The following TMEM117 variants were observed in gnomAD, a reference collection of about 807,000 sequenced individuals.
The protein encoded by TMEM117 is transmembrane protein 117.
In TMEM117, 27 loss-of-function variants were observed where a neutral mutation model predicts 52.4. That is an observed-to-expected ratio of 0.51 (90% CI 0.38 to 0.71). The LOEUF (loss-of-function observed/expected upper bound fraction) is 0.71. Among genes scored for constraint, TMEM117 ranks in the 30% least tolerant of loss-of-function variants. The pLI, the probability that TMEM117 is intolerant of heterozygous loss-of-function variation, is 0.00. For synonymous variants in TMEM117, 215 were observed against 206.3 expected (o/e 1.04, Z -0.36); for missense variants, 556 against 630.5 (o/e 0.88, Z 1.26).
At position 44,388,203 on chromosome 12, in the gene TMEM117, G is replaced by T. The variant is rs1279848660; in HGVS notation, c.1076G>T (p.Trp359Leu). The T allele has an allele frequency of 1.2e-6, 2 of 1,613,374 alleles. No individual in the cohort carries two copies. Among genetic ancestry groups the T allele is most frequent in the Non-Finnish European group, 1.7e-6 (2 of 1,179,580 alleles). Reference sequence around the variant, plus strand: ...GATTTGAACAGAACCAAGCTATCCTGGGAATGGAGGTCCAATCACACTAAC... The same window carrying T: ...GATTTGAACAGAACCAAGCTATCCTTGGAATGGAGGTCCAATCACACTAAC... ...LKDLNRTKLSWEWRSNHTNPR... is the reference protein window; with the variant it reads ...LKDLNRTKLSLEWRSNHTNPR... The change falls in exon 8 of 8, where the codon TGG becomes TTG. Residue 359 changes from tryptophan to leucine, a missense_variant. This residue lies in a region of TMEM117 where 206 missense variants were observed against 211.1 expected (regional missense o/e 0.98). Transcript: ENST00000266534.
At chr12:44,185,909 CACACACGT>C (rs1170216110) in intron 4 of TMEM117, among the ~76,000 whole-genome samples, 1 of 149,376 alleles carries the variant, frequency 6.7e-6, no homozygotes, top group Non-Finnish European at 1.5e-5. Flanking sequence ...CACACACACA[CACACACGT>C]GCTCCTACTT....
In TMEM117 at chr12:43,898,230, A is replaced by C. The variant is rs1029861785; in HGVS notation, c.278-45980A>C. ...TACTTCTTCACTCTTAATCCTATGA[A>C]TCTGAGTTCTTGTGACTTTATTTCC... On this transcript the variant is annotated intron_variant, in intron 2 of 7. Coordinates refer to ENST00000266534, the MANE Select transcript of TMEM117 (RefSeq NM_032256.3). Among the ~76,000 whole-genome samples the C allele has an allele frequency of 1.1e-4, 17 of 152,108 alleles. No homozygotes were observed. In the East Asian group the frequency reaches 3.3e-3, roughly 29 times the overall value.
intron 5 of TMEM117, among the ~76,000 whole-genome samples, chr12:44,264,933 T>C (rs1950359670): frequency 6.6e-6 from 1 of 152,168 alleles, no homozygotes; most frequent in African/African-American, 2.4e-5. Flanking sequence ...GATATTATAA[T>C]TTGCCCCAAA....
At chr12:44,271,953 G>A (rs908479970) in intron 5 of TMEM117, among the ~76,000 whole-genome samples, 1 of 151,976 alleles carries the variant, frequency 6.6e-6, no homozygotes, top group African/African-American at 2.4e-5. Context: ...CTCAAAAGAA[G>A]ACATACAGAA....
At chr12:44,253,244 TTA>T (rs1950216960) in intron 5 of TMEM117, among the ~76,000 whole-genome samples, 1 of 152,218 alleles carries the variant, frequency 6.6e-6, no homozygotes, top group African/African-American at 2.4e-5. Flanking sequence ...ATTTTTTAAA[TTA>T]TATGATCAAA....
intron 3 of TMEM117, among the ~76,000 whole-genome samples, chr12:43,972,041 G>A (rs1311144582): frequency 2.0e-5 from 3 of 152,300 alleles, no homozygotes; most frequent in Admixed American, 6.5e-5. Flanking sequence ...TGGCTTCAGG[G>A]TGGAGCCCTT....
intron 3 of TMEM117, among the ~76,000 whole-genome samples, chr12:43,972,363 A>G (rs375842892): frequency 1.8e-4 from 27 of 152,314 alleles, no homozygotes; most frequent in African/African-American, 6.3e-4. Flanking sequence ...TCAAGAATGA[A>G]GCCGTGGACC....
chr12:44,148,629 A>G (rs962744093), intron 4 of TMEM117, among the ~76,000 whole-genome samples: 2 of 152,020 alleles, frequency 1.3e-5, no homozygotes, highest in Admixed American at 6.6e-5. Flanking sequence ...TTATACTGCT[A>G]TTATCTTTGC....
At chr12:44,054,759 T>C (rs1188871030) in intron 3 of TMEM117, among the ~76,000 whole-genome samples, 4 of 151,900 alleles carry the variant, frequency 2.6e-5, no homozygotes, top group Non-Finnish European at 5.9e-5. Flanking sequence ...TTTTAAATTA[T>C]ACTTTAAGTT....
chr12:44,159,315 C>T (rs1223941777), intron 4 of TMEM117, among the ~76,000 whole-genome samples: 2 of 152,088 alleles, frequency 1.3e-5, no homozygotes, highest in African/African-American at 2.4e-5. Flanking sequence ...TATTTGCCAG[C>T]TTGTTGGACT....
intron 4 of TMEM117, among the ~76,000 whole-genome samples, chr12:44,172,705 T>C (rs73290257): frequency 0.078 from 11,830 of 152,214 alleles, 1,382 homozygotes; most frequent in African/African-American, 0.26. Context: ...CACCTACTTA[T>C]GTGGTAGTTT....
intron 6 of TMEM117, among the ~76,000 whole-genome samples, chr12:44,350,604 T>G (rs1325422289): frequency 6.6e-6 from 1 of 152,004 alleles, no homozygotes; most frequent in Admixed American, 6.6e-5. Context: ...CACAAATAAT[T>G]GAGAACGTGC....
At chr12:44,316,753 T>C (rs1355562366) in intron 6 of TMEM117, among the ~76,000 whole-genome samples, 2 of 152,116 alleles carry the variant, frequency 1.3e-5, no homozygotes, top group Non-Finnish European at 2.9e-5. Context: ...CATAATCCCA[T>C]ATTTTTCAGA....
intron 5 of TMEM117, among the ~76,000 whole-genome samples, chr12:44,214,973 T>C (rs952671702): frequency 6.6e-6 from 1 of 152,138 alleles, no homozygotes. Flanking sequence ...CCCTAGGAGA[T>C]AAAATACAAA....
At chr12:44,010,407 G>C (rs2137805745) in intron 3 of TMEM117, among the ~76,000 whole-genome samples, 1 of 152,244 alleles carries the variant, frequency 6.6e-6, no homozygotes, top group South Asian at 2.1e-4. Flanking sequence ...AGCGCACTAT[G>C]CCTGGCAAGT....
At chr12:44,125,521 T>C (rs1948310518) in intron 3 of TMEM117, among the ~76,000 whole-genome samples, 1 of 152,190 alleles carries the variant, frequency 6.6e-6, no homozygotes, top group South Asian at 2.1e-4. Context: ...TATAGTATTC[T>C]CTGATGGTTG....
chr12:43,966,813 T>C (rs1945493101), intron 3 of TMEM117, among the ~76,000 whole-genome samples: 1 of 152,212 alleles, frequency 6.6e-6, no homozygotes. Flanking sequence ...ATTGTCAAAT[T>C]AAGGACTAAC....
At chr12:44,118,113 A>G (rs150460958) in intron 3 of TMEM117, among the ~76,000 whole-genome samples, 1,858 of 152,262 alleles carry the variant, frequency 0.012, 32 homozygotes, top group African/African-American at 0.042. Flanking sequence ...ATATCAGGTG[A>G]CATTTTCCTT....
the TMEM117 span, among the ~76,000 whole-genome samples, chr12:43,825,760 C>G: frequency 6.6e-6 from 1 of 152,090 alleles, no homozygotes; most frequent in Admixed American, 6.5e-5. Context: ...TTATGAAACT[C>G]CACCTCAAGA....
Sources: gnomAD v4.1 joint callset for allele counts (sites outside exome capture counted in the v4.1 genomes callset) on GRCh38, gnomAD v4.1.1 for gene constraint, gnomAD v4.1.1 regional missense constraint, MANE v1.5 for transcripts, NCBI Gene and HGNC (gene_info 2026-07-23, HGNC 2026-07-21) for gene names.